The following LMBRD1 variants were observed in gnomAD, a reference collection of about 807,000 sequenced individuals.
LMBRD1 encodes LMBR1 domain containing 1, also known as lysosomal cobalamin transport escort protein LMBD1.
LMBRD1 carries 64 observed loss-of-function variants against 74.8 expected under a neutral mutation model. The ratio of observed to expected loss-of-function variants is 0.86; its 90% CI spans 0.70 to 1.05. The LOEUF (loss-of-function observed/expected upper bound fraction) is 1.05, where lower values mean the gene tolerates loss of function less well. LMBRD1 is among the 50% of genes least tolerant of loss of function. The pLI, the probability that LMBRD1 is intolerant of heterozygous loss-of-function variation, is 0.00. For synonymous variants in LMBRD1, 204 were observed against 216.3 expected (o/e 0.94, Z 0.50); for missense variants, 652 against 645.9 (o/e 1.01, Z -0.10).
intron 7 of LMBRD1, among the ~76,000 whole-genome samples, chr6:69,729,823 C>T (rs1195259417): frequency 6.6e-6 from 1 of 151,984 alleles, no homozygotes; most frequent in Non-Finnish European, 1.5e-5. Context: ...TTTTGGACTG[C>T]ATTTTCAATA....
chr6:69,736,549 T>C (rs1331539105), intron 7 of LMBRD1, among the ~76,000 whole-genome samples: 1 of 152,250 alleles, frequency 6.6e-6, no homozygotes, highest in African/African-American at 2.4e-5. Flanking sequence ...GTAAATATCC[T>C]AGGTCCTTCA....
At chr6:69,751,518 G>C (rs1765152155) in intron 4 of LMBRD1, among the ~76,000 whole-genome samples, 1 of 152,200 alleles carries the variant, frequency 6.6e-6, no homozygotes, top group African/African-American at 2.4e-5. Context: ...GTAGAGACAA[G>C]GTTTCGCCAT....
chr6:69,793,644 C>T (rs1320372861), intron 1 of LMBRD1, among the ~76,000 whole-genome samples: 5 of 151,218 alleles, frequency 3.3e-5, no homozygotes, highest in African/African-American at 1.2e-4. Flanking sequence ...CTAACAATTC[C>T]TTATGTGTGA....
intron 8 of LMBRD1, 127 bp downstream of exon 8, chr6:69,718,829 A>C: frequency 1.1e-6 from 1 of 913,004 alleles, no homozygotes; most frequent in Non-Finnish European, 1.8e-6. Context: ...AAACTGTACC[A>C]GATATGCTGC....
intron 3 of LMBRD1, among the ~76,000 whole-genome samples, chr6:69,773,891 A>G (rs73486032): frequency 6.6e-6 from 1 of 152,108 alleles, no homozygotes; most frequent in East Asian, 1.9e-4. Flanking sequence ...TGTTGCCTGC[A>G]TCAATATAGA....
intron 3 of LMBRD1, among the ~76,000 whole-genome samples, chr6:69,766,016 A>G (rs1291478876): frequency 6.6e-6 from 1 of 151,958 alleles, no homozygotes; most frequent in African/African-American, 2.4e-5. Context: ...TTTTCTACCT[A>G]TAGAATCTTA....
At chr6:69,731,892 A>ATAT (rs1231537045) in intron 7 of LMBRD1, among the ~76,000 whole-genome samples, 1 of 152,284 alleles carries the variant, frequency 6.6e-6, no homozygotes, top group East Asian at 1.9e-4. Context: ...CTCCAAATAT[A>ATAT]AAGTTTTAGG....
chr6:69,776,607 A>G (rs1340346732), intron 3 of LMBRD1, among the ~76,000 whole-genome samples: 1 of 152,234 alleles, frequency 6.6e-6, no homozygotes, highest in Non-Finnish European at 1.5e-5. Flanking sequence ...CCCGAACATA[A>G]AAGACAATTA....
chr6:69,701,417 T>C (rs753333905), intron 11 of LMBRD1, 26 bp downstream of exon 11: 2 of 1,257,782 alleles, frequency 1.6e-6, no homozygotes, highest in Non-Finnish European at 2.3e-6. Flanking sequence ...GCAGCTACAG[T>C]ATAAAATGAT....
intron 14 of LMBRD1, among the ~76,000 whole-genome samples, chr6:69,696,061 C>T (rs1321944349): frequency 6.6e-6 from 1 of 152,144 alleles, no homozygotes; most frequent in Non-Finnish European, 1.5e-5. Flanking sequence ...CCAGGCTGGT[C>T]TCAAACTCCT....
intron 5 of LMBRD1, among the ~76,000 whole-genome samples, chr6:69,743,734 C>T (rs1290102880): frequency 2.0e-5 from 3 of 152,052 alleles, no homozygotes; most frequent in Non-Finnish European, 4.4e-5. Context: ...AGAAAATATC[C>T]ATAAGTAGAA....
intron 2 of LMBRD1, among the ~76,000 whole-genome samples, chr6:69,785,152 A>T (rs1024346238): frequency 1.3e-5 from 2 of 152,116 alleles, no homozygotes; most frequent in African/African-American, 4.8e-5. Context: ...AAAAGCTATC[A>T]TTCTTTCTTC....
At position 69,719,081 on chromosome 6, in the gene LMBRD1, C is replaced by T. The variant is rs1273390641; in HGVS notation, c.637G>A (p.Ala213Thr). Reference protein sequence around the residue: ...IGMLAAITYTAYGMSALPLNL... With the variant: ...IGMLAAITYTTYGMSALPLNL... ...AAAGGTAACGCAGACATGCCATAGG[C>T]CTAAAAGAAAAACAATTGAAATGTT... The change falls in exon 8 of 16, where the codon GCC becomes ACC. Residue 213 changes from alanine (A) to threonine (T), a missense_variant and splice_region_variant. This residue lies in a region of LMBRD1 where 598 missense variants were observed against 581.8 expected (regional missense o/e 1.03). Coordinates refer to ENST00000649934, the MANE Select transcript of LMBRD1 (RefSeq NM_018368.4). 6.2e-7 allele frequency: 1 copy of T among 1,611,888 alleles called. No homozygotes were observed. The highest frequency in any genetic ancestry group is 1.1e-5 in the South Asian group (1 of 91,012).
intron 3 of LMBRD1, among the ~76,000 whole-genome samples, chr6:69,774,912 T>G (rs1263823555): frequency 1.4e-5 from 2 of 142,670 alleles, no homozygotes; most frequent in African/African-American, 5.3e-5. Context: ...TGAGCTATGA[T>G]CACGCCACCG....
intron 15 of LMBRD1, 59 bp downstream of exon 15, chr6:69,676,391 C>G (rs1484701938): frequency 1.9e-6 from 3 of 1,577,196 alleles, no homozygotes; most frequent in Non-Finnish European, 2.6e-6. Flanking sequence ...AAAGAGTTTA[C>G]ACATTTAACT....
In LMBRD1 at chr6:69,749,896, ATATATAC is replaced by A. The variant is rs1562111602; in HGVS notation, c.406-495_406-489del. Among the ~76,000 whole-genome samples the A allele has an allele frequency of 1.4e-3, 174 of 128,146 alleles. 3 individuals are homozygous for A. The highest frequency in any genetic ancestry group is 5.0e-3 in the African/African-American group (137 of 27,622). 84.1% of individuals were successfully genotyped at this position (128,146 alleles called of 152,430 possible). ...AGTATATATACACATATACATACTC[ATATATAC>A]ATATATAAGTATATATACACATATA... On this transcript the variant is annotated intron_variant, in intron 4 of 15. Transcript: ENST00000649934.
intron 3 of LMBRD1, among the ~76,000 whole-genome samples, chr6:69,757,182 G>A (rs755800197): frequency 3.7e-4 from 57 of 152,090 alleles, no homozygotes; most frequent in Non-Finnish European, 6.5e-4. Context: ...ACCTTGTGTT[G>A]ACTAAAACAA....
In LMBRD1 at chr6:69,699,084, G is replaced by C; in HGVS notation, c.1297C>G (p.Pro433Ala). Residue 433 changes from proline (P) to alanine (A), a missense_variant, in exon 13 of 16, where the codon CCC (proline) becomes GCC (alanine). By Grantham distance (27) the Pro-to-Ala change is conservative (BLOSUM62 -1). This residue lies in a region of LMBRD1 where 598 missense variants were observed against 581.8 expected (regional missense o/e 1.03). Transcript: ENST00000649934. ...TGGCTTCCATACATAACATATTGGG[G>C]AGCAAGACTATAAATCATGTAGCTA... ...HTSYMIYSLAPQYVMYGSQNY... is the reference protein window; with the variant it reads ...HTSYMIYSLAAQYVMYGSQNY... 1 of 1,607,908 alleles carries C rather than the reference G, an allele frequency of 6.2e-7. No homozygotes were observed. Among genetic ancestry groups the C allele is most frequent in the Non-Finnish European group, 8.5e-7 (1 of 1,174,950 alleles).
chr6:69,794,059 CCAA>C (rs1766155105), intron 1 of LMBRD1, among the ~76,000 whole-genome samples: 1 of 152,104 alleles, frequency 6.6e-6, no homozygotes, highest in Non-Finnish European at 1.5e-5. Flanking sequence ...CAGAAGTTCT[CCAA>C]GTGTGAAATC....
Sources: allele counts gnomAD v4.1 joint callset (sites outside exome capture counted in the v4.1 genomes callset), GRCh38; gene constraint gnomAD v4.1.1; regional missense constraint gnomAD v4.1.1; transcripts MANE v1.5; gene names NCBI Gene and HGNC (gene_info 2026-07-23, HGNC 2026-07-21).